ATP2B3: variants seen among roughly 807,000 people sequenced by gnomAD.
ATP2B3 encodes the protein ATPase plasma membrane Ca2+ transporting 3, also known as plasma membrane calcium-transporting ATPase 3.
In ATP2B3, 12 loss-of-function variants were observed where a neutral mutation model predicts 70.8. That is an observed-to-expected ratio of 0.17 (90% CI 0.11 to 0.27). The LOEUF is 0.27. ATP2B3 is among the 10% of genes least tolerant of loss of function. The pLI, the probability that ATP2B3 is intolerant of heterozygous loss-of-function variation, is 1.00. For missense variants in ATP2B3, 858 were observed against 1,118.5 expected (o/e 0.77, Z 3.32); for synonymous variants, 460 against 497.8 (o/e 0.92, Z 1.01).
chrX:153,567,214 C>T (rs967693887), intron 21 of ATP2B3, among the ~76,000 whole-genome samples: 19 of 113,397 alleles, frequency 1.7e-4, no homozygotes, highest in Non-Finnish European at 1.3e-4. Context: ...TCGGACAGGC[C>T]AGGGGTGCAG....
In ATP2B3 at chrX:153,541,571, C is replaced by T; in HGVS notation, c.406+15C>T. 1.7e-6 allele frequency: 2 copies of T among 1,210,303 alleles called. No homozygotes were observed. The highest frequency in any genetic ancestry group is 3.5e-5 in the African/African-American group (2 of 57,651). ...GGAGAGTGAAGGTAAGGCCCGGGGGCCTGGGCTGGAAGGAGGAAGAGGAAT... is the reference window on the plus strand; with the variant it reads ...GGAGAGTGAAGGTAAGGCCCGGGGGTCTGGGCTGGAAGGAGGAAGAGGAAT... On this transcript the variant is annotated intron_variant, in intron 4 of 21. Transcript: ENST00000263519.
intron 21 of ATP2B3, among the ~76,000 whole-genome samples, chrX:153,577,765 C>A (rs192618506): frequency 4.5e-5 from 5 of 111,333 alleles, no homozygotes; most frequent in African/African-American, 1.6e-4. Flanking sequence ...CAATGTGGAG[C>A]TTTTTGGCTT....
intron 19 of ATP2B3, among the ~76,000 whole-genome samples, chrX:153,561,474 T>A (rs1412259112): frequency 8.9e-6 from 1 of 112,366 alleles, no homozygotes; most frequent in Non-Finnish European, 1.9e-5. Context: ...GGAGGACACA[T>A]GCCACACCAT....
At chrX:153,579,832 A>G in intron 21 of ATP2B3, 146 bp from the exon 22 acceptor site, 1 of 499,941 alleles carries the variant, frequency 2.0e-6, no homozygotes, top group East Asian at 3.6e-5. Flanking sequence ...CCAGCCATTG[A>G]CGTGGGTGGA....
chrX:153,575,081 G>A (rs1354498896), intron 21 of ATP2B3, among the ~76,000 whole-genome samples: 1 of 112,934 alleles, frequency 8.9e-6, no homozygotes, highest in Non-Finnish European at 1.9e-5. Context: ...AGGCCAGCCA[G>A]GCAGCAGAAA....
In ATP2B3 at chrX:153,549,682, C is replaced by T. The variant is rs782229396; in HGVS notation, c.1524C>T (p.Ile508=). 5.9e-5 allele frequency: 71 copies of T among 1,210,733 alleles called. No individual in the cohort carries two copies. In the Middle Eastern group the frequency reaches 6.9e-4, roughly 12 times the overall value. ...IPAPSALTPK[I]LDLLVHAISI... ...CCCCCAGCGCCCTGACCCCTAAGAT[C>T]CTCGACCTCCTGGTCCATGCCATCT... Residue 508 remains isoleucine (I), a synonymous_variant, in exon 11 of 22, where the codon ATC becomes ATT. Coordinates refer to ENST00000263519, the MANE Select transcript of ATP2B3 (RefSeq NM_001001344.3).
intron 21 of ATP2B3, among the ~76,000 whole-genome samples, chrX:153,576,336 G>A (rs1359421220): frequency 2.7e-5 from 3 of 111,560 alleles, no homozygotes; most frequent in African/African-American, 9.8e-5. Flanking sequence ...AGGCTCAGAT[G>A]TGGAAGATGC....
At chrX:153,539,906 G>A (rs1194781606) in intron 3 of ATP2B3, among the ~76,000 whole-genome samples, 3 of 113,063 alleles carry the variant, frequency 2.7e-5, no homozygotes, top group African/African-American at 9.6e-5. Flanking sequence ...AGAAGTAAGC[G>A]TCCTCAAGGA....
chrX:153,569,501 C>T lies in ATP2B3; in HGVS notation c.3342+4398C>T, dbSNP rs9969882. The T allele has an allele frequency of 1.3e-3, 1,278 of 957,306 alleles. 10 individuals are homozygous for T. The African/African-American group carries it at 0.023, about 17-fold the overall frequency. 78.9% of individuals were successfully genotyped at this position (957,306 alleles called of 1,213,427 possible). On this transcript the variant is annotated intron_variant, in intron 21 of 21. Transcript: ENST00000263519. ...TGACCCGATGAGGCTTTGCTGTCACCCTATGTGCCCAGTGGTGGCCCCTAT... is the reference window on the plus strand; with the variant it reads ...TGACCCGATGAGGCTTTGCTGTCACTCTATGTGCCCAGTGGTGGCCCCTAT...
intron 15 of ATP2B3, 104 bp downstream of exon 15, chrX:153,556,522 G>A: frequency 1.2e-6 from 1 of 860,468 alleles, no homozygotes; most frequent in Non-Finnish European, 1.6e-6. Context: ...GGCCTGCCTA[G>A]GAAGCTGGGT....
chrX:153,532,374 G>A (rs1373441279), intron 2 of ATP2B3, among the ~76,000 whole-genome samples: 2 of 112,986 alleles, frequency 1.8e-5, no homozygotes, highest in African/African-American at 3.2e-5. Context: ...CCCAAAGCCA[G>A]GGAGGGACAA....
intron 3 of ATP2B3, among the ~76,000 whole-genome samples, chrX:153,537,007 A>G (rs1310277202): frequency 8.9e-6 from 1 of 112,692 alleles, no homozygotes; most frequent in East Asian, 2.8e-4. Context: ...AGTGCTGATC[A>G]GAGGTGGCAC....
intron 13 of ATP2B3, among the ~76,000 whole-genome samples, chrX:153,553,984 A>G (rs1202428120): frequency 8.8e-6 from 1 of 113,672 alleles, no homozygotes; most frequent in East Asian, 2.8e-4. Context: ...TGTAGGAGCC[A>G]CCCTGGGGGT....
chrX:153,571,498 C>CAGGGGTGGGATCCCAGGGACCAAGG (rs782347667), intron 21 of ATP2B3, among the ~76,000 whole-genome samples: 526 of 112,412 alleles, frequency 4.7e-3, no homozygotes, highest in African/African-American at 0.016. Context: ...ACCCCAGGAC[C>CAGGGGTGGGATCCCAGGGACCAAGG]AGCTCCTTGT....
At chrX:153,528,526 A>G (rs955340303) in intron 2 of ATP2B3, among the ~76,000 whole-genome samples, 1 of 112,060 alleles carries the variant, frequency 8.9e-6, no homozygotes, top group Non-Finnish European at 1.9e-5. Flanking sequence ...TGGCTCTCCC[A>G]GAACCAGGCT....
intron 21 of ATP2B3, 104 bp downstream of exon 21, chrX:153,565,207 G>A: frequency 1.0e-6 from 1 of 996,682 alleles, no homozygotes; most frequent in Non-Finnish European, 1.3e-6. Flanking sequence ...GACACCCACA[G>A]GGAAACCCTT....
intron 12 of ATP2B3, among the ~76,000 whole-genome samples, chrX:153,552,027 C>T (rs1473303586): frequency 8.9e-6 from 1 of 112,818 alleles, no homozygotes; most frequent in Non-Finnish European, 1.9e-5. Flanking sequence ...CCACCCACAG[C>T]GCTCTCCCAG....
chrX:153,550,684 G>GT (rs1349269346), intron 12 of ATP2B3, among the ~76,000 whole-genome samples: 2 of 111,131 alleles, frequency 1.8e-5, no homozygotes, highest in African/African-American at 3.3e-5. Context: ...GTTTTGTTTT[G>GT]TTTTTTCCCT....
chrX:153,533,187 C>T (rs1469044448), intron 2 of ATP2B3: 2 of 111,622 alleles, frequency 1.8e-5, no homozygotes, highest in African/African-American at 6.5e-5. Flanking sequence ...CTCCATACCA[C>T]GTGTCTCAAA....
Sources: allele counts gnomAD v4.1 joint callset (sites outside exome capture counted in the v4.1 genomes callset), GRCh38; gene constraint gnomAD v4.1.1; transcripts MANE v1.5; gene names NCBI Gene and HGNC (gene_info 2026-07-23, HGNC 2026-07-21).